KLHL1: variants seen among roughly 807,000 people sequenced by gnomAD.
KLHL1 encodes the protein kelch like family member 1.
A neutral mutation model predicts 77.7 loss-of-function variants in KLHL1; 47 were observed. That is an observed-to-expected ratio of 0.60 (90% CI 0.48 to 0.77). The LOEUF is 0.77. KLHL1 is among the 30% of genes least tolerant of loss of function. KLHL1 has a pLI of 0.00. For synonymous variants in KLHL1, 360 were observed against 325.2 expected, an observed-to-expected ratio of 1.11 and a Z score of -1.15; for missense variants, 925 against 910.8, an observed-to-expected ratio of 1.02 and a Z score of -0.20.
At chr13:69,875,636 A>C (rs992732488) in intron 5 of KLHL1, among the ~76,000 whole-genome samples, 2 of 152,126 alleles carry the variant, frequency 1.3e-5, no homozygotes, top group Admixed American at 6.5e-5. Flanking sequence ...TTATTATATT[A>C]ATACCTCTGC....
intron 1 of KLHL1, among the ~76,000 whole-genome samples, chr13:70,105,963 ATC>A (rs1464751573): frequency 6.6e-6 from 1 of 150,664 alleles, no homozygotes; most frequent in African/African-American, 2.4e-5. Context: ...AATATGTTCA[ATC>A]TCTGAAAATT....
chr13:69,837,516 G>A (rs574736289), intron 6 of KLHL1, among the ~76,000 whole-genome samples: 4 of 150,194 alleles, frequency 2.7e-5, no homozygotes, highest in Non-Finnish European at 5.9e-5. Context: ...TATAATGTCC[G>A]AGAGAGGAAA....
rs112484721 is a variant in KLHL1 at position 69,783,971 on chromosome 13, C to T, written c.1639+12767G>A. On this transcript the variant is annotated intron_variant, in intron 7 of 10. Coordinates refer to ENST00000377844, the MANE Select transcript of KLHL1 (RefSeq NM_020866.3). ...TACCCACAAAGGGAAGCCCATCAGA[C>T]TAACAGCTGATCTCTCAGCAGAAAC... Among the ~76,000 whole-genome samples, 33 of 152,252 alleles carry T rather than the reference C, an allele frequency of 2.2e-4. No homozygotes were observed. In the East Asian group the frequency reaches 6.4e-3, roughly 29 times the overall value.
At chr13:70,060,548 A>G (rs1390151794) in intron 1 of KLHL1, among the ~76,000 whole-genome samples, 14 of 151,726 alleles carry the variant, frequency 9.2e-5, no homozygotes, top group Non-Finnish European at 2.1e-4. Flanking sequence ...CAAAAAAAAA[A>G]ATGTGGTATA....
chr13:69,905,916 CAT>C (rs2138235057), intron 4 of KLHL1, among the ~76,000 whole-genome samples: 1 of 152,126 alleles, frequency 6.6e-6, no homozygotes, highest in Admixed American at 6.5e-5. Context: ...AAAATGTACA[CAT>C]GAGAGATTCT....
chr13:69,742,702 T>TA (rs1435741680), intron 7 of KLHL1, among the ~76,000 whole-genome samples: 10 of 152,184 alleles, frequency 6.6e-5, no homozygotes, highest in African/African-American at 2.2e-4. Flanking sequence ...CAAATAGCAT[T>TA]AAAAATGTTC....
At chr13:69,791,972 G>C (rs563228782) in intron 7 of KLHL1, among the ~76,000 whole-genome samples, 1 of 152,264 alleles carries the variant, frequency 6.6e-6, no homozygotes, top group African/African-American at 2.4e-5. Context: ...GCACGATTAA[G>C]AAAATTGCAG....
chr13:69,819,617 C>CAAA (rs34373404), intron 6 of KLHL1, among the ~76,000 whole-genome samples: 20 of 140,170 alleles, frequency 1.4e-4, no homozygotes, highest in African/African-American at 2.1e-4. Flanking sequence ...GGAGGTAATG[C>CAAA]AAAAAAAAAA....
At chr13:69,961,254 A>G in intron 3 of KLHL1, 54 bp downstream of exon 3, 2 of 1,543,216 alleles carry the variant, frequency 1.3e-6, no homozygotes, top group Non-Finnish European at 1.8e-6. Context: ...ACTTAAAGGA[A>G]ATGAGCTAAA....
intron 6 of KLHL1, among the ~76,000 whole-genome samples, chr13:69,802,098 T>C (rs1461520143): frequency 1.3e-5 from 2 of 152,128 alleles, no homozygotes; most frequent in Non-Finnish European, 2.9e-5. Flanking sequence ...CTCCCACTTA[T>C]GAGTGAGAAC....
chr13:69,964,788 T>C (rs1393404370), intron 2 of KLHL1, among the ~76,000 whole-genome samples: 1 of 152,184 alleles, frequency 6.6e-6, no homozygotes, highest in Non-Finnish European at 1.5e-5. Context: ...CTCCTATAAA[T>C]ATTTTGAATT....
At chr13:69,872,443 T>A (rs564852558) in intron 5 of KLHL1, among the ~76,000 whole-genome samples, 1 of 152,192 alleles carries the variant, frequency 6.6e-6, no homozygotes, top group Non-Finnish European at 1.5e-5. Flanking sequence ...GAGTAAACTT[T>A]CCTCATTACC....
chr13:70,029,847 T>C (rs998347101), intron 1 of KLHL1, among the ~76,000 whole-genome samples: 4 of 152,154 alleles, frequency 2.6e-5, no homozygotes, highest in Non-Finnish European at 4.4e-5. Flanking sequence ...GCTGTATTCA[T>C]GAGACCCATC....
At chr13:69,823,522 A>G (rs1878422813) in intron 6 of KLHL1, among the ~76,000 whole-genome samples, 1 of 151,958 alleles carries the variant, frequency 6.6e-6, no homozygotes, top group African/African-American at 2.4e-5. Context: ...AAATTGGACT[A>G]GATGTATATA....
At chr13:69,783,224 G>GA (rs1401638337) in intron 7 of KLHL1, among the ~76,000 whole-genome samples, 4 of 152,020 alleles carry the variant, frequency 2.6e-5, no homozygotes, top group South Asian at 2.1e-4. Context: ...CAAAGATGGG[G>GA]AAAAAACAGA....
chr13:69,731,722 C>G (rs1157709516), intron 8 of KLHL1, among the ~76,000 whole-genome samples: 2 of 152,046 alleles, frequency 1.3e-5, no homozygotes, highest in African/African-American at 4.8e-5. Flanking sequence ...CCTTTTCTTT[C>G]TTATCTAATA....
chr13:70,088,732 CT>C (rs1887604048), intron 1 of KLHL1, among the ~76,000 whole-genome samples: 1 of 151,950 alleles, frequency 6.6e-6, no homozygotes, highest in Non-Finnish European at 1.5e-5. Flanking sequence ...TTGAAATGAG[CT>C]TTTGCATTTT....
chr13:69,829,178 A>T (rs1878663721), intron 6 of KLHL1, among the ~76,000 whole-genome samples: 1 of 149,980 alleles, frequency 6.7e-6, no homozygotes, highest in Admixed American at 6.6e-5. Flanking sequence ...CACAACTACA[A>T]CCAAGGACCC....
intron 1 of KLHL1, among the ~76,000 whole-genome samples, chr13:70,103,380 A>G (rs1039378341): frequency 1.3e-5 from 2 of 152,180 alleles, no homozygotes; most frequent in African/African-American, 4.8e-5. Flanking sequence ...GTTGGCGTCC[A>G]TAGTATAAAC....
Sources: gnomAD v4.1 joint callset for allele counts (sites outside exome capture counted in the v4.1 genomes callset) on GRCh38, gnomAD v4.1.1 for gene constraint, MANE v1.5 for transcripts, NCBI Gene and HGNC (gene_info 2026-07-23, HGNC 2026-07-21) for gene names.